Variants in ZNF521 observed in about 807,000 individuals in gnomAD.
The protein encoded by ZNF521 is zinc finger protein 521, also known as LYST-interacting protein 3.
Under a neutral mutation model 105.5 loss-of-function variants are expected in ZNF521, and 14 were observed. The ratio of observed to expected loss-of-function variants is 0.13; its 90% CI spans 0.09 to 0.21. The LOEUF (loss-of-function observed/expected upper bound fraction) is 0.21. ZNF521 is among the 10% of genes least tolerant of loss of function. The pLI is 1.00. For missense variants in ZNF521, 1,233 were observed against 1,629.7 expected (o/e 0.76, Z 4.19); for synonymous variants, 635 against 606.0 (o/e 1.05, Z -0.70).
At chr18:25,274,004 A>G (rs902020707) in intron 3 of ZNF521, among the ~76,000 whole-genome samples, 2 of 152,112 alleles carry the variant, frequency 1.3e-5, no homozygotes, top group Admixed American at 6.6e-5. Flanking sequence ...AAATTAAACA[A>G]CTCAGGCAAG....
At chr18:25,339,043 G>A (rs564499436) in intron 2 of ZNF521, among the ~76,000 whole-genome samples, 3 of 152,172 alleles carry the variant, frequency 2.0e-5, no homozygotes, top group Admixed American at 1.3e-4. Context: ...TACTTAGAAT[G>A]GGAAAACCAG....
chr18:25,271,387 T>A (rs1486364739), intron 3 of ZNF521, among the ~76,000 whole-genome samples: 4 of 152,178 alleles, frequency 2.6e-5, no homozygotes. Context: ...AAGGTACCAT[T>A]GACTTTCTTC....
chr18:25,118,947 C>T (rs1208780694), intron 5 of ZNF521, among the ~76,000 whole-genome samples: 1 of 151,982 alleles, frequency 6.6e-6, no homozygotes, highest in African/African-American at 2.4e-5. Context: ...ACTACGAATA[C>T]AGTAAGCATG....
chr18:25,216,989 C>G (rs1023984960), intron 4 of ZNF521, among the ~76,000 whole-genome samples: 2 of 152,108 alleles, frequency 1.3e-5, no homozygotes, highest in Non-Finnish European at 2.9e-5. Context: ...AAGAGCAGCT[C>G]AGGTGATAAA....
chr18:25,185,441 T>C (rs58949632), intron 5 of ZNF521, among the ~76,000 whole-genome samples: 3,225 of 152,220 alleles, frequency 0.021, 121 homozygotes, highest in African/African-American at 0.074. Flanking sequence ...CTCTGTGTTG[T>C]ACCGGTCGCC....
At chr18:25,345,377 C>T (rs939110591) in intron 2 of ZNF521, 2 of 152,206 alleles carry the variant, frequency 1.3e-5, no homozygotes, top group Admixed American at 6.5e-5. Context: ...AAATTATTAA[C>T]AGCTTGCTTT....
chr18:25,201,501 C>T lies in ZNF521; in HGVS notation c.3574-6257G>A, dbSNP rs967084287. 5.9e-5 allele frequency: 9 copies of T among 152,266 alleles called. No homozygotes were observed. The South Asian group carries it at 1.0e-3, about 18-fold the overall frequency. 9.4% of individuals were successfully genotyped at this position (152,266 alleles called of 1,614,324 possible). A position where few individuals can be genotyped will look rare whatever the true frequency, so the allele number is the denominator to read the frequency against. On this transcript the variant is annotated intron_variant, in intron 4 of 7. Coordinates refer to ENST00000361524, the MANE Select transcript of ZNF521 (RefSeq NM_015461.3). The stretch of plus-strand genomic sequence containing the variant: ...TTATTTGGTTTCTGGATCTCAAAGA[C>T]GAAGAACTGTTTTGGACTTGACTAA...
At chr18:25,350,168 C>A (rs1162974185) in intron 2 of ZNF521, among the ~76,000 whole-genome samples, 1 of 152,184 alleles carries the variant, frequency 6.6e-6, no homozygotes, top group African/African-American at 2.4e-5. Context: ...CACGCACGCC[C>A]CGCAACTTCC....
chr18:25,305,446 A>G (rs12607891), intron 3 of ZNF521, among the ~76,000 whole-genome samples: 3,301 of 152,308 alleles, frequency 0.022, 82 homozygotes, highest in East Asian at 0.095. Context: ...TGCAGGCTAA[A>G]AACTGATGAC....
intron 2 of ZNF521, chr18:25,327,648 T>C (rs1409782581): frequency 5.8e-6 from 3 of 520,038 alleles, no homozygotes; most frequent in Non-Finnish European, 1.2e-5. Flanking sequence ...GCGGGATCAT[T>C]ATTTTGTGCT....
At chr18:25,117,011 A>C (rs2034334090) in intron 5 of ZNF521, among the ~76,000 whole-genome samples, 1 of 99,974 alleles carries the variant, frequency 1.0e-5, no homozygotes, top group Non-Finnish European at 2.0e-5. Flanking sequence ...ATACATACAC[A>C]CACACACATA....
chr18:25,291,381 C>T (rs1381443738), intron 3 of ZNF521, among the ~76,000 whole-genome samples: 1 of 152,144 alleles, frequency 6.6e-6, no homozygotes, highest in African/African-American at 2.4e-5. Flanking sequence ...CTCCCAAATC[C>T]TCATGTGGAA....
intron 3 of ZNF521, among the ~76,000 whole-genome samples, chr18:25,240,638 C>T (rs746485041): frequency 3.3e-5 from 5 of 152,080 alleles, no homozygotes; most frequent in Non-Finnish European, 5.9e-5. Flanking sequence ...TCTTCTGTTA[C>T]AAACTCAGCA....
intron 2 of ZNF521, among the ~76,000 whole-genome samples, chr18:25,331,437 G>T (rs1267728510): frequency 1.3e-5 from 2 of 152,070 alleles, no homozygotes; most frequent in Non-Finnish European, 2.9e-5. Flanking sequence ...GCTACAATAA[G>T]AAATAAAACC....
At chr18:25,163,960 C>A (rs1346312720) in intron 5 of ZNF521, among the ~76,000 whole-genome samples, 2 of 152,056 alleles carry the variant, frequency 1.3e-5, no homozygotes, top group Non-Finnish European at 2.9e-5. Context: ...AAGACAGGGG[C>A]AGAAGGAGAG....
intron 2 of ZNF521, among the ~76,000 whole-genome samples, chr18:25,335,883 C>T (rs1346673444): frequency 6.6e-6 from 1 of 152,140 alleles, no homozygotes; most frequent in Non-Finnish European, 1.5e-5. Context: ...GCTTCTAAAG[C>T]CCAAAGGGCC....
intron 3 of ZNF521, among the ~76,000 whole-genome samples, chr18:25,236,402 G>T (rs1287890154): frequency 6.6e-6 from 1 of 152,068 alleles, no homozygotes; most frequent in African/African-American, 2.4e-5. Flanking sequence ...CGGGCGTGGT[G>T]GCATGCGTCT....
chr18:25,299,396 T>C (rs1171967688), intron 3 of ZNF521, among the ~76,000 whole-genome samples: 3 of 152,104 alleles, frequency 2.0e-5, no homozygotes, highest in African/African-American at 7.2e-5. Flanking sequence ...AGAAGATAAG[T>C]TAGGAAAAGT....
At chr18:25,321,777 A>T (rs1196968674) in intron 3 of ZNF521, among the ~76,000 whole-genome samples, 4 of 152,234 alleles carry the variant, frequency 2.6e-5, no homozygotes, top group African/African-American at 9.6e-5. Flanking sequence ...AAAGGAAAAT[A>T]CACTCATTAG....
Sources: allele counts gnomAD v4.1 joint callset (sites outside exome capture counted in the v4.1 genomes callset), GRCh38; gene constraint gnomAD v4.1.1; transcripts MANE v1.5; gene names NCBI Gene and HGNC (gene_info 2026-07-23, HGNC 2026-07-21).